KIF16B: variants seen among roughly 807,000 people sequenced by gnomAD.
KIF16B encodes kinesin-like protein KIF16B.
In KIF16B, 98 loss-of-function variants were observed where a neutral mutation model predicts 156.3. That is an observed-to-expected ratio of 0.63 (90% CI 0.53 to 0.74). The LOEUF (loss-of-function observed/expected upper bound fraction) is 0.74, where lower values mean the gene tolerates loss of function less well. Ranked by LOEUF, KIF16B falls within the 30% of genes least tolerant of loss-of-function variation. The probability of loss-of-function intolerance (pLI) is 0.00; values close to 1 mark genes in which losing one functional copy is unlikely to be tolerated. For synonymous variants in KIF16B, 564 were observed against 583.7 expected (o/e 0.97, Z 0.49); for missense variants, 1,421 against 1,606.5 (o/e 0.88, Z 1.97).
chr20:16,426,997 T>C, intron 15 of KIF16B, 107 bp downstream of exon 15: 1 of 1,001,202 alleles, frequency 1.0e-6, no homozygotes, highest in Admixed American at 2.7e-5. Context: ...ACCCTTTTTA[T>C]ACCTAATCAA....
intron 17 of KIF16B, among the ~76,000 whole-genome samples, chr20:16,389,774 A>G (rs2065319403): frequency 6.6e-6 from 1 of 152,198 alleles, no homozygotes; most frequent in Admixed American, 6.5e-5. Flanking sequence ...TATTTCACCC[A>G]GGGTAGGCTC....
rs367770598 is a variant in KIF16B, at chr20:16,307,211, T to A, written c.3795+5124A>T. 4.6e-5 allele frequency among the ~76,000 whole-genome samples: 7 copies of A among 152,342 alleles called. No homozygotes were observed. The East Asian group carries it at 1.3e-3, about 29-fold the overall frequency. ...TGTGGTTTTAGAGGATTTCATTTTT[T>A]TCATTAATTATAGTTACTCCTTGAA... On this transcript the variant is annotated intron_variant, in intron 25 of 25. Transcript: ENST00000354981.
chr20:16,559,049 T>C (rs2070960962), intron 1 of KIF16B, among the ~76,000 whole-genome samples: 1 of 152,154 alleles, frequency 6.6e-6, no homozygotes. Context: ...GTTTCTAATG[T>C]GGAATTATTC....
At chr20:16,373,750 T>A (rs999882368) in intron 20 of KIF16B, among the ~76,000 whole-genome samples, 1 of 152,200 alleles carries the variant, frequency 6.6e-6, no homozygotes, top group East Asian at 1.9e-4. Context: ...CATTCCGCCC[T>A]CTCACTCAAA....
At chr20:16,470,595 T>G (rs1304730015) in intron 12 of KIF16B, among the ~76,000 whole-genome samples, 1 of 151,748 alleles carries the variant, frequency 6.6e-6, no homozygotes, top group African/African-American at 2.4e-5. Context: ...GCAATCCTCC[T>G]ACCTCAGCCT....
At chr20:16,364,686 C>A (rs139845348) in intron 22 of KIF16B, among the ~76,000 whole-genome samples, 48 of 152,308 alleles carry the variant, frequency 3.2e-4, no homozygotes, top group African/African-American at 1.2e-3. Context: ...CAAACTCTCA[C>A]ACAGAGGAAC....
intron 15 of KIF16B, among the ~76,000 whole-genome samples, chr20:16,408,249 A>G (rs1333580959): frequency 6.6e-6 from 1 of 152,170 alleles, no homozygotes; most frequent in Non-Finnish European, 1.5e-5. Context: ...TTTAGCAGAA[A>G]CAAAGTCACT....
intron 23 of KIF16B, among the ~76,000 whole-genome samples, chr20:16,350,655 C>T (rs376334401): frequency 3.3e-5 from 5 of 151,198 alleles, no homozygotes; most frequent in East Asian, 2.0e-4. Context: ...AGCCACATCA[C>T]GAGGATGAGC....
intron 12 of KIF16B, among the ~76,000 whole-genome samples, chr20:16,434,980 G>A (rs1386051556): frequency 6.6e-6 from 1 of 151,928 alleles, no homozygotes; most frequent in African/African-American, 2.4e-5. Flanking sequence ...CAGATAGCCA[G>A]AAAGACGTTG....
At chr20:16,494,699 T>C (rs935501946) in intron 11 of KIF16B, among the ~76,000 whole-genome samples, 1 of 152,222 alleles carries the variant, frequency 6.6e-6, no homozygotes, top group Non-Finnish European at 1.5e-5. Flanking sequence ...TTCATTATTA[T>C]ACATCAGGTC....
chr20:16,408,488 T>C (rs1300750244), intron 15 of KIF16B, among the ~76,000 whole-genome samples: 1 of 152,204 alleles, frequency 6.6e-6, no homozygotes, highest in African/African-American at 2.4e-5. Context: ...TATTTAATGC[T>C]GTTAAAGTTA....
chr20:16,289,374 C>T (rs2063279385), intron 25 of KIF16B, among the ~76,000 whole-genome samples: 1 of 152,036 alleles, frequency 6.6e-6, no homozygotes, highest in South Asian at 2.1e-4. Flanking sequence ...TGTTAATTTT[C>T]CCCTCTTTTA....
At chr20:16,398,715 C>T (rs999047987) in intron 17 of KIF16B, among the ~76,000 whole-genome samples, 3 of 152,088 alleles carry the variant, frequency 2.0e-5, no homozygotes, top group Non-Finnish European at 4.4e-5. Context: ...AGGAAGAGTG[C>T]TAGGAGGACA....
At chr20:16,368,389 G>A in intron 22 of KIF16B, 1 of 989,498 alleles carries the variant, frequency 1.0e-6, no homozygotes, top group Non-Finnish European at 1.2e-6. Flanking sequence ...ATGAGATTCT[G>A]TTGACTGCAT....
chr20:16,448,783 G>A (rs2067001959), intron 12 of KIF16B, among the ~76,000 whole-genome samples: 1 of 152,116 alleles, frequency 6.6e-6, no homozygotes, highest in African/African-American at 2.4e-5. Flanking sequence ...GCATATTCAA[G>A]ATAGCAGAAA....
chr20:16,566,528 T>A (rs912518286), intron 1 of KIF16B, among the ~76,000 whole-genome samples: 9 of 152,222 alleles, frequency 5.9e-5, no homozygotes, highest in African/African-American at 2.2e-4. Context: ...ATACCTGATA[T>A]TTACAGAACG....
Position 16,379,663 on chromosome 20 carries a change from CG to C in KIF16B, c.2338del (p.Arg780GlyfsTer25). The C allele has an allele frequency of 6.2e-7, 1 of 1,614,138 alleles. No homozygotes were observed. Among genetic ancestry groups the C allele is most frequent in the South Asian group, 1.1e-5 (1 of 91,088 alleles). On this transcript the variant is annotated frameshift_variant, in exon 19 of 26. Coordinates refer to ENST00000354981, the MANE Select transcript of KIF16B (RefSeq NM_024704.5). LOFTEE classifies it high-confidence loss of function. Reference sequence around the variant, plus strand: ...TTCCACCCACTGTACCTCCCCACGCCGCAGGAGCTGGATCATCTCCTGCTTC... The same window carrying C: ...TTCCACCCACTGTACCTCCCCACGCCCAGGAGCTGGATCATCTCCTGCTTC... ...REKQEMIQLLRRGEVQWVEEE... is the reference protein window; with the variant it reads ...REKQEMIQLLXRGEVQWVEEE...
At chr20:16,562,332 TG>T (rs1420148724) in intron 1 of KIF16B, among the ~76,000 whole-genome samples, 1 of 152,016 alleles carries the variant, frequency 6.6e-6, no homozygotes, top group Non-Finnish European at 1.5e-5. Context: ...TAATCTTCAT[TG>T]GGAGTGTAAT....
intron 10 of KIF16B, among the ~76,000 whole-genome samples, chr20:16,499,198 A>G (rs1017150175): frequency 6.6e-6 from 1 of 152,150 alleles, no homozygotes; most frequent in Non-Finnish European, 1.5e-5. Context: ...CATCTCTTTC[A>G]AAAATGCCAA....
Sources: allele counts gnomAD v4.1 joint callset (sites outside exome capture counted in the v4.1 genomes callset), GRCh38; gene constraint gnomAD v4.1.1; transcripts MANE v1.5; gene names NCBI Gene and HGNC (gene_info 2026-07-23, HGNC 2026-07-21).